Variants in ITPR1 observed in about 807,000 individuals in gnomAD.
ITPR1 encodes the protein inositol 1,4,5-trisphosphate-gated calcium channel ITPR1.
Under a neutral mutation model 318.4 loss-of-function variants are expected in ITPR1, and 96 were observed. The observed-to-expected ratio is 0.30, with a 90% CI of 0.26 to 0.36. The LOEUF (loss-of-function observed/expected upper bound fraction) is 0.36. Among genes scored for constraint, ITPR1 ranks in the 10% least tolerant of loss-of-function variants. The pLI is 1.00. For missense variants in ITPR1, 2,440 were observed against 3,460.2 expected, an observed-to-expected ratio of 0.71 and a Z score of 7.40; for synonymous variants, 1,312 against 1,289.9, an observed-to-expected ratio of 1.02 and a Z score of -0.37.
rs559550438 is a variant in ITPR1 at position 4,579,572 on chromosome 3, T to A, written c.164-48191T>A. The stretch of plus-strand genomic sequence containing the variant: ...TTGCTTAGAGAAAGGAAATATTGGT[T>A]AATCAATCACAAGTTGAGTGTATCC... On this transcript the variant is annotated intron_variant, in intron 4 of 61. Transcript: ENST00000649015. 6.0e-4 allele frequency among the ~76,000 whole-genome samples: 91 copies of A among 152,228 alleles called. 1 individual carries two copies. The highest frequency in any genetic ancestry group is 1.6e-3 in the Admixed American group (24 of 15,284).
At chr3:4,632,766 T>C (rs978046437) in intron 5 of ITPR1, among the ~76,000 whole-genome samples, 2 of 151,970 alleles carry the variant, frequency 1.3e-5, no homozygotes, top group African/African-American at 2.4e-5. Flanking sequence ...AACAGCATGG[T>C]TGAAAAAAGT....
intron 4 of ITPR1, among the ~76,000 whole-genome samples, chr3:4,593,322 A>G (rs1005625204): frequency 3.3e-5 from 5 of 152,182 alleles, no homozygotes; most frequent in Admixed American, 3.3e-4. Context: ...GTATTTGTAA[A>G]AAGGAGGCTT....
At chr3:4,771,041 C>T (rs77622542) in intron 46 of ITPR1, among the ~76,000 whole-genome samples, 1 of 152,164 alleles carries the variant, frequency 6.6e-6, no homozygotes, top group Non-Finnish European at 1.5e-5. Context: ...GTGATCAGTG[C>T]CCCTGTACTA....
intron 14 of ITPR1, 87 bp from the exon 15 acceptor site, chr3:4,661,995 G>T: frequency 8.6e-7 from 1 of 1,165,972 alleles, no homozygotes; most frequent in Non-Finnish European, 1.2e-6. Context: ...CTTGGGATCA[G>T]CCAGTGTCTC....
intron 2 of ITPR1, among the ~76,000 whole-genome samples, chr3:4,510,940 A>T (rs1187322752): frequency 1.3e-5 from 2 of 152,138 alleles, no homozygotes; most frequent in Non-Finnish European, 2.9e-5. Context: ...GGCAGGGAAC[A>T]TGAGAGAGGG....
At chr3:4,550,306 A>T (rs2085433172) in intron 4 of ITPR1, among the ~76,000 whole-genome samples, 1 of 152,178 alleles carries the variant, frequency 6.6e-6, no homozygotes, top group African/African-American at 2.4e-5. Flanking sequence ...CACTGTAGGC[A>T]CAGGTGACAG....
intron 4 of ITPR1, among the ~76,000 whole-genome samples, chr3:4,613,195 A>G (rs990986967): frequency 6.6e-6 from 1 of 152,230 alleles, no homozygotes; most frequent in Non-Finnish European, 1.5e-5. Flanking sequence ...AGTAGATAAG[A>G]GACAAAAGGT....
At chr3:4,611,181 G>A (rs1351803166) in intron 4 of ITPR1, among the ~76,000 whole-genome samples, 3 of 141,636 alleles carry the variant, frequency 2.1e-5, no homozygotes, top group Non-Finnish European at 4.5e-5. Context: ...GATTGCTCAA[G>A]CACAGGAGGT....
chr3:4,603,832 G>A (rs149589831), intron 4 of ITPR1, among the ~76,000 whole-genome samples: 3 of 152,266 alleles, frequency 2.0e-5, no homozygotes, highest in East Asian at 3.9e-4. Flanking sequence ...TTGGTAGAAC[G>A]ATTTGTTTTC....
chr3:4,645,502 C>G, intron 9 of ITPR1, 32 bp downstream of exon 9: 2 of 1,603,150 alleles, frequency 1.2e-6, no homozygotes, highest in Non-Finnish European at 1.7e-6. Flanking sequence ...CTGAGCATTA[C>G]TTGGCTCTTC....
intron 3 of ITPR1, among the ~76,000 whole-genome samples, chr3:4,518,367 G>A (rs1449241893): frequency 1.3e-5 from 2 of 152,138 alleles, no homozygotes; most frequent in African/African-American, 2.4e-5. Flanking sequence ...CTCAAACATT[G>A]TAAACAAATT....
rs765777316 is a variant in ITPR1, at chr3:4,727,130, T to C, written c.5177T>C (p.Leu1726Pro). ...GAATTTCTGCATGCCTAGCAGGAGC[T>C]TGAACCAAGTCCACCCCTGCGGCAG... ...APDSENATEE[L>P]EPSPPLRQLE... Residue 1726 changes from leucine (L) to proline (P), a missense_variant, in exon 42 of 62, where the codon CTT becomes CCT. Transcript: ENST00000649015. 10 of 1,598,260 alleles carry C rather than the reference T, an allele frequency of 6.3e-6. No individual in the cohort carries two copies. The highest frequency in any genetic ancestry group is 8.5e-6 in the Non-Finnish European group (10 of 1,178,896).
At chr3:4,767,934 A>G (rs11130135) in intron 45 of ITPR1, among the ~76,000 whole-genome samples, 42,708 of 152,110 alleles carry the variant, frequency 0.28, 10,002 homozygotes, top group African/African-American at 0.62. Context: ...TAATTAAGTC[A>G]TTACGGACAT....
intron 40 of ITPR1, among the ~76,000 whole-genome samples, chr3:4,717,946 A>G (rs1201434459): frequency 6.6e-6 from 1 of 152,198 alleles, no homozygotes; most frequent in Non-Finnish European, 1.5e-5. Flanking sequence ...GCTCACCGGC[A>G]AGGTTAGAAA....
intron 46 of ITPR1, 107 bp downstream of exon 46, chr3:4,768,871 A>T: frequency 9.0e-7 from 1 of 1,105,612 alleles, no homozygotes; most frequent in Non-Finnish European, 1.3e-6. Context: ...TGCTTGAGCC[A>T]AGGATCCAGC....
chr3:4,560,030 C>G (rs577652052), intron 4 of ITPR1, among the ~76,000 whole-genome samples: 52 of 152,172 alleles, frequency 3.4e-4, no homozygotes, highest in Non-Finnish European at 6.5e-4. Context: ...CTTGCTTAAC[C>G]TCTCTATGTC....
chr3:4,510,208 G>C (rs930314115), intron 2 of ITPR1, among the ~76,000 whole-genome samples: 3 of 152,184 alleles, frequency 2.0e-5, no homozygotes, highest in Non-Finnish European at 4.4e-5. Flanking sequence ...CCAGGGAACA[G>C]AGCATGGTGG....
At chr3:4,667,315 C>T in intron 17 of ITPR1, 62 bp from the exon 18 acceptor site, 1 of 1,302,298 alleles carries the variant, frequency 7.7e-7, no homozygotes, top group Non-Finnish European at 1.1e-6. Context: ...TTTCTTTAGT[C>T]TACGCTTAAC....
chr3:4,788,175 C>A (rs999532510), intron 52 of ITPR1, 36 bp downstream of exon 52: 5 of 1,531,206 alleles, frequency 3.3e-6, no homozygotes, highest in Non-Finnish European at 3.6e-6. Context: ...CACAGAGAGA[C>A]ACAGTTCTGG....
Sources: gnomAD v4.1 joint callset for allele counts (sites outside exome capture counted in the v4.1 genomes callset) on GRCh38, gnomAD v4.1.1 for gene constraint, MANE v1.5 for transcripts, NCBI Gene and HGNC (gene_info 2026-07-23, HGNC 2026-07-21) for gene names.